Variants in SLCO3A1 observed in about 807,000 individuals in gnomAD.
The protein encoded by SLCO3A1 is PGE1 transporter.
In SLCO3A1, 27 loss-of-function variants were observed where a neutral mutation model predicts 63.1. That is an observed-to-expected ratio of 0.43 (90% CI 0.32 to 0.59). SLCO3A1 has a LOEUF of 0.59. Ranked by LOEUF, SLCO3A1 falls within the 20% of genes least tolerant of loss-of-function variation. The probability of loss-of-function intolerance (pLI) is 0.09; values close to 1 mark genes in which losing one functional copy is unlikely to be tolerated. For synonymous variants in SLCO3A1, 473 were observed against 409.9 expected, an observed-to-expected ratio of 1.15 and a Z score of -1.86; for missense variants, 773 against 945.8, an observed-to-expected ratio of 0.82 and a Z score of 2.40.
At chr15:92,064,456 T>A (rs925812937) in intron 2 of SLCO3A1, among the ~76,000 whole-genome samples, 2 of 152,212 alleles carry the variant, frequency 1.3e-5, no homozygotes, top group African/African-American at 4.8e-5. Context: ...TTTAATCCCA[T>A]TTGTTACTTT....
intron 1 of SLCO3A1, chr15:91,908,819 G>T (rs1348397788): frequency 6.6e-6 from 1 of 151,054 alleles, no homozygotes; most frequent in Non-Finnish European, 1.5e-5. Flanking sequence ...CCAGCACTTT[G>T]GGAGGCCGAG....
intron 2 of SLCO3A1, among the ~76,000 whole-genome samples, chr15:92,083,806 C>T (rs554574708): frequency 1.2e-4 from 18 of 152,222 alleles, no homozygotes; most frequent in Admixed American, 2.6e-4. Context: ...TTACTGTATG[C>T]CAGGCGCTGT....
intron 9 of SLCO3A1, among the ~76,000 whole-genome samples, chr15:92,157,744 C>G (rs902712359): frequency 6.6e-6 from 1 of 152,162 alleles, no homozygotes; most frequent in African/African-American, 2.4e-5. Flanking sequence ...AAAAGAGTTC[C>G]TGAACACGGA....
At chr15:92,134,415 A>C (rs938925513) in intron 7 of SLCO3A1, among the ~76,000 whole-genome samples, 2 of 152,218 alleles carry the variant, frequency 1.3e-5, no homozygotes, top group African/African-American at 4.8e-5. Flanking sequence ...TAAGGAAAGG[A>C]GCTCATGTTT....
intron 4 of SLCO3A1, among the ~76,000 whole-genome samples, chr15:92,110,194 C>G (rs1765883321): frequency 6.6e-6 from 1 of 152,154 alleles, no homozygotes; most frequent in African/African-American, 2.4e-5. Context: ...CCCCTCCCCT[C>G]CAGCAATGCA....
At chr15:92,050,139 C>T (rs909810856) in intron 2 of SLCO3A1, among the ~76,000 whole-genome samples, 1 of 152,190 alleles carries the variant, frequency 6.6e-6, no homozygotes, top group Admixed American at 6.5e-5. Flanking sequence ...ATAAGCATGG[C>T]CTTTAGCTTC....
At position 91,883,424 on chromosome 15, in the gene SLCO3A1, G is replaced by A. The variant is rs4932511; in HGVS notation, c.180+29336G>A. Among the ~76,000 whole-genome samples, 55,967 of 151,936 alleles carry A rather than the reference G, an allele frequency of 0.37. 11,278 individuals carry two copies. The highest frequency in any genetic ancestry group is 0.78 in the East Asian group (4,015 of 5,144). The stretch of plus-strand genomic sequence containing the variant: ...CAGTTTGGGATCAGAACGTCCAATC[G>A]CTGACTGGTTCTCTTGCTCTGAGGC... On this transcript the variant is annotated intron_variant, in intron 1 of 9. Coordinates refer to ENST00000318445, the MANE Select transcript of SLCO3A1 (RefSeq NM_013272.4). This position sits in a 1 kb window ranked among gnomAD's most constrained non-coding sequence, Gnocchi z 4.8.
At chr15:92,014,800 C>G (rs1035005932) in intron 2 of SLCO3A1, among the ~76,000 whole-genome samples, 1 of 152,088 alleles carries the variant, frequency 6.6e-6, no homozygotes, top group African/African-American at 2.4e-5. Context: ...TTTCAGGTCC[C>G]AAGCATTCTG....
intron 2 of SLCO3A1, among the ~76,000 whole-genome samples, chr15:91,960,929 A>G (rs1900421466): frequency 6.6e-6 from 1 of 152,192 alleles, no homozygotes; most frequent in South Asian, 2.1e-4. Flanking sequence ...CATTTTGGAT[A>G]TCAGATTTTT....
chr15:92,091,920 T>A (rs2047482493), intron 2 of SLCO3A1, among the ~76,000 whole-genome samples: 1 of 152,214 alleles, frequency 6.6e-6, no homozygotes, highest in Non-Finnish European at 1.5e-5. Flanking sequence ...ACCCACACCT[T>A]CTCATAGAGG....
Position 92,128,357 on chromosome 15 carries a change from A to G in SLCO3A1, c.1380A>G (p.Ala460=), listed in dbSNP as rs117100186. ...TGTTTCCTTTCTTTTCCAGCACAGC[A>G]CCTGGCTCAGCCCTGGACCCCTACT... The part of the protein sequence containing the change: ...GVTVPYGNST[A]PGSALDPYSP... The change falls in exon 7 of 10, where the codon GCA becomes GCG. Residue 460 remains alanine (A), a synonymous_variant. Transcript: ENST00000318445. 2,173 of 1,613,802 alleles carry G rather than the reference A, an allele frequency of 1.3e-3. 2 individuals carry two copies. Among genetic ancestry groups the G allele is most frequent in the Non-Finnish European group, 1.5e-3 (1,827 of 1,179,918 alleles).
intron 3 of SLCO3A1, among the ~76,000 whole-genome samples, chr15:92,096,739 A>T (rs1340578816): frequency 6.6e-6 from 1 of 152,242 alleles, no homozygotes; most frequent in Non-Finnish European, 1.5e-5. Flanking sequence ...CACTCCATTA[A>T]TCCTACTGAT....
In SLCO3A1 at chr15:91,856,093, G is replaced by C. The variant is rs1896912895; in HGVS notation, c.180+2005G>C. ...TGGTGGACTTCTGGAGGCAGGGCTG[G>C]CCCCAGGAGATAGGAGGTTGACTTT... is the stretch of plus-strand genomic sequence containing the variant. On this transcript the variant is annotated intron_variant, in intron 1 of 9. Transcript: ENST00000318445. The surrounding 1 kb of genome is among the most constrained non-coding windows in gnomAD (Gnocchi z 4.9). Among the ~76,000 whole-genome samples the C allele has an allele frequency of 6.6e-6, 1 of 151,994 alleles. No individual in the cohort carries two copies. The highest frequency in any genetic ancestry group is 2.4e-5 in the African/African-American group (1 of 41,360).
At chr15:92,158,085 A>G (rs1437809968) in intron 9 of SLCO3A1, among the ~76,000 whole-genome samples, 1 of 152,216 alleles carries the variant, frequency 6.6e-6, no homozygotes, top group African/African-American at 2.4e-5. Flanking sequence ...TGACAAGCAT[A>G]GTATCTGCTA....
In SLCO3A1 at chr15:92,132,762, T is replaced by A. The variant is rs1364076263; in HGVS notation, c.1512+4273T>A. Among the ~76,000 whole-genome samples, 2 of 145,324 alleles carry A rather than the reference T, an allele frequency of 1.4e-5. 1 individual carries two copies. Among genetic ancestry groups the A allele is most frequent in the Non-Finnish European group, 3.1e-5 (2 of 64,996 alleles). On this transcript the variant is annotated intron_variant, in intron 7 of 9. Coordinates refer to ENST00000318445, the MANE Select transcript of SLCO3A1 (RefSeq NM_013272.4). ...AACAAATATTTATTGAGCACCTGTT[T>A]CAGTGAAATGCCAAGTAGGTTCTGT...
At chr15:92,049,837 C>G (rs540863970) in intron 2 of SLCO3A1, among the ~76,000 whole-genome samples, 2 of 152,114 alleles carry the variant, frequency 1.3e-5, no homozygotes, top group Non-Finnish European at 2.9e-5. Context: ...GCTAGGGAGG[C>G]GGGGAGGAAA....
rs1002037114 is a variant in SLCO3A1, at chr15:92,025,146, G to A, written c.647-69735G>A. Among the ~76,000 whole-genome samples the A allele has an allele frequency of 2.8e-5, 4 of 144,142 alleles. 1 individual carries two copies. The highest frequency in any genetic ancestry group is 4.5e-5 in the Non-Finnish European group (3 of 66,034). The allele number at this position is 144,142 out of a possible 152,430, so 94.6% of individuals were successfully genotyped here. ...GTTCCTTAATAGCAGTTTAGTAGAC[G>A]TTATTTTTCTTAGGTTGTCCTTTTT... On this transcript the variant is annotated intron_variant, in intron 2 of 9. Coordinates refer to ENST00000318445, the MANE Select transcript of SLCO3A1 (RefSeq NM_013272.4).
In SLCO3A1 at chr15:92,034,171, G is replaced by A. The variant is rs115164564; in HGVS notation, c.647-60710G>A. On this transcript the variant is annotated intron_variant, in intron 2 of 9. Transcript: ENST00000318445. ...GTGGGGGCTGTATGCAGGGATCCAG[G>A]AGAGGGATCCTGGAGACTTGGGGCC... is the stretch of plus-strand genomic sequence containing the variant. 7.2e-3 allele frequency among the ~76,000 whole-genome samples: 1,099 copies of A among 151,730 alleles called. 16 individuals carry two copies. The highest frequency in any genetic ancestry group is 0.021 in the African/African-American group (861 of 41,462).
chr15:92,060,800 G>A (rs75526886), intron 2 of SLCO3A1, among the ~76,000 whole-genome samples: 8,803 of 152,028 alleles, frequency 0.058, 384 homozygotes, highest in African/African-American at 0.12. Flanking sequence ...GTGCCCGGCC[G>A]GTACTTTTTA....
Sources: gnomAD v4.1 joint callset for allele counts (sites outside exome capture counted in the v4.1 genomes callset) on GRCh38, gnomAD v4.1.1 for gene constraint, Gnocchi (gnomAD v3.1) non-coding constraint, MANE v1.5 for transcripts, NCBI Gene and HGNC (gene_info 2026-07-23, HGNC 2026-07-21) for gene names.